The following GRM7 variants were observed in gnomAD, a reference collection of about 807,000 sequenced individuals.
GRM7 encodes the protein metabotropic glutamate receptor 7.
Under a neutral mutation model 84.5 loss-of-function variants are expected in GRM7, and 35 were observed. The observed-to-expected ratio is 0.41, with a 90% CI of 0.32 to 0.55. GRM7 has a LOEUF of 0.55. Among genes scored for constraint, GRM7 ranks in the 20% least tolerant of loss-of-function variants. The pLI is 0.19. For missense variants in GRM7, 1,003 were observed against 1,194.6 expected, an observed-to-expected ratio of 0.84 and a Z score of 2.36; for synonymous variants, 487 against 455.1, an observed-to-expected ratio of 1.07 and a Z score of -0.89.
intron 2 of GRM7, among the ~76,000 whole-genome samples, chr3:7,261,439 T>G (rs1475810743): frequency 2.0e-5 from 3 of 152,198 alleles, no homozygotes; most frequent in Admixed American, 1.3e-4. Context: ...TGTTATCCAT[T>G]TGCTTGGTAG....
intron 4 of GRM7, among the ~76,000 whole-genome samples, chr3:7,376,754 G>A (rs1262073476): frequency 4.5e-5 from 6 of 134,346 alleles, no homozygotes; most frequent in Non-Finnish European, 1.0e-4. Flanking sequence ...TTACTATGTG[G>A]CTCTTTACAG....
At chr3:7,623,625 G>C (rs1352981651) in intron 8 of GRM7, among the ~76,000 whole-genome samples, 1 of 152,106 alleles carries the variant, frequency 6.6e-6, no homozygotes, top group Non-Finnish European at 1.5e-5. Flanking sequence ...CTGCAGATCA[G>C]GCCAACCATC....
intron 8 of GRM7, among the ~76,000 whole-genome samples, chr3:7,658,326 C>CAGAG (rs1699290193): frequency 6.6e-6 from 1 of 152,132 alleles, no homozygotes; most frequent in African/African-American, 2.4e-5. Flanking sequence ...TCTAAAAAGT[C>CAGAG]AGAGAGGGAA....
chr3:7,687,091 TTTAGTC>T (rs1700616859), intron 9 of GRM7, among the ~76,000 whole-genome samples: 3 of 18,128 alleles, frequency 1.7e-4, no homozygotes, highest in Admixed American at 1.5e-3. Context: ...CTGAACCAAC[TTTAGTC>T]ATCAAGTCAT....
chr3:7,348,709 A>C (rs1273996160), intron 4 of GRM7, among the ~76,000 whole-genome samples: 1 of 152,096 alleles, frequency 6.6e-6, no homozygotes, highest in Non-Finnish European at 1.5e-5. Context: ...AACTTATCAG[A>C]TCAGAGATGC....
intron 9 of GRM7, among the ~76,000 whole-genome samples, chr3:7,719,682 G>C (rs1701875531): frequency 6.6e-6 from 1 of 151,808 alleles, no homozygotes; most frequent in Non-Finnish European, 1.5e-5. Flanking sequence ...CGTGGTGGCA[G>C]GCACATGTAG....
At chr3:7,111,578 G>A (rs1692852948) in intron 1 of GRM7, among the ~76,000 whole-genome samples, 1 of 152,124 alleles carries the variant, frequency 6.6e-6, no homozygotes, top group Admixed American at 6.6e-5. Flanking sequence ...GAGGAGCAGA[G>A]GTTCAGCTGA....
intron 5 of GRM7, among the ~76,000 whole-genome samples, chr3:7,419,689 C>A (rs1696317166): frequency 6.6e-6 from 1 of 152,126 alleles, no homozygotes; most frequent in Admixed American, 6.6e-5. Flanking sequence ...TATCACTGTT[C>A]TATGAAATAC....
intron 7 of GRM7, among the ~76,000 whole-genome samples, chr3:7,543,624 A>G (rs1164101944): frequency 2.0e-5 from 3 of 152,276 alleles, no homozygotes; most frequent in African/African-American, 7.2e-5. Context: ...ACGGCAGTCC[A>G]TGAACTGGGA....
chr3:6,961,409 C>CA (rs1420283437), intron 1 of GRM7, among the ~76,000 whole-genome samples: 1 of 152,196 alleles, frequency 6.6e-6, no homozygotes, highest in East Asian at 1.9e-4. Context: ...ACTTTCCTGG[C>CA]AAACCCTCTC....
intron 1 of GRM7, among the ~76,000 whole-genome samples, chr3:7,006,210 T>A (rs1474094107): frequency 1.3e-5 from 2 of 152,206 alleles, no homozygotes; most frequent in African/African-American, 4.8e-5. Context: ...CTACTTTATA[T>A]CATAGCCTTA....
At position 6,865,843 on chromosome 3, in the gene GRM7, G is replaced by A. The variant is rs57845852; in HGVS notation, c.519+3936G>A. Among the ~76,000 whole-genome samples, 41 of 152,012 alleles carry A rather than the reference G, an allele frequency of 2.7e-4. No homozygotes were observed. In the East Asian group the frequency reaches 7.4e-3, roughly 27 times the overall value. On this transcript the variant is annotated intron_variant, in intron 1 of 9. Transcript: ENST00000357716. ...ATTACTACGGTGGTGAAATTTATTA[G>A]AAAGGCAACTTTAACCTACACTTTT...
At chr3:6,934,579 C>G (rs62235412) in intron 1 of GRM7, among the ~76,000 whole-genome samples, 1 of 151,970 alleles carries the variant, frequency 6.6e-6, no homozygotes, top group Non-Finnish European at 1.5e-5. Context: ...GAGGGTATAA[C>G]TGCATATATT....
At chr3:7,019,564 C>T (rs1479751091) in intron 1 of GRM7, among the ~76,000 whole-genome samples, 2 of 152,142 alleles carry the variant, frequency 1.3e-5, no homozygotes, top group East Asian at 1.9e-4. Context: ...ATGAATGAGT[C>T]GCCATCATTT....
intron 7 of GRM7, among the ~76,000 whole-genome samples, chr3:7,545,713 G>C (rs1277283485): frequency 1.3e-5 from 2 of 152,136 alleles, no homozygotes; most frequent in South Asian, 4.2e-4. Context: ...GGTAGTGATT[G>C]AGAGAAAGAA....
chr3:7,571,751 A>G (rs1269007273), intron 7 of GRM7, among the ~76,000 whole-genome samples: 1 of 152,106 alleles, frequency 6.6e-6, no homozygotes, highest in Non-Finnish European at 1.5e-5. Context: ...TACTGGTACC[A>G]GTTTACTGTA....
chr3:7,062,933 C>T (rs1307295530), intron 1 of GRM7, among the ~76,000 whole-genome samples: 6 of 151,660 alleles, frequency 4.0e-5, no homozygotes, highest in Non-Finnish European at 8.9e-5. Context: ...TAATAAAACT[C>T]CTAGTTGAAG....
chr3:7,266,743 C>G (rs1270219148), intron 2 of GRM7, among the ~76,000 whole-genome samples: 2 of 152,110 alleles, frequency 1.3e-5, no homozygotes, highest in African/African-American at 4.8e-5. Context: ...GGCATTGTAT[C>G]AAATTTTGAG....
At chr3:7,079,754 G>T (rs1335266523) in intron 1 of GRM7, among the ~76,000 whole-genome samples, 2 of 152,060 alleles carry the variant, frequency 1.3e-5, no homozygotes, top group African/African-American at 4.8e-5. Context: ...TTGAATAGAG[G>T]CCCTGGATCA....
Sources: allele counts gnomAD v4.1 joint callset (sites outside exome capture counted in the v4.1 genomes callset), GRCh38; gene constraint gnomAD v4.1.1; transcripts MANE v1.5; gene names NCBI Gene and HGNC (gene_info 2026-07-23, HGNC 2026-07-21).